HELLS: variants seen among roughly 807,000 people sequenced by gnomAD.
The protein encoded by HELLS is lymphoid-specific helicase.
A neutral mutation model predicts 120.0 loss-of-function variants in HELLS; 32 were observed. That is an observed-to-expected ratio of 0.27 (90% CI 0.20 to 0.36). The LOEUF is 0.36. Ranked by LOEUF, HELLS falls within the 10% of genes least tolerant of loss-of-function variation. The pLI is 1.00. For missense variants in HELLS, 650 were observed against 993.4 expected, an observed-to-expected ratio of 0.65 and a Z score of 4.65; for synonymous variants, 341 against 323.4, an observed-to-expected ratio of 1.05 and a Z score of -0.58.
exon 10 of HELLS, chr10:94,610,590 ATT>A (rs3054952): frequency 0.37 from 55,137 of 149,116 alleles, 10,608 homozygotes; most frequent in East Asian, 0.68. Context: ...CAGATAATAG[ATT>A]TTTTTTTTTT....
In HELLS at chr10:94,601,811, A is replaced by C. The variant is rs911566415; in HGVS notation, c.*189A>C. On this transcript the variant is annotated 3_prime_UTR_variant, in exon 22 of 22. Transcript: ENST00000348459. ...CAAGAACAAAGAAGTATCCATATTA[A>C]GTTTAGATTTTCAGTTAATTTTTGA... 9.9e-6 allele frequency: 4 copies of C among 402,172 alleles called. No homozygotes were observed. Among genetic ancestry groups the C allele is most frequent in the African/African-American group, 6.3e-5 (3 of 47,618 alleles). 24.9% of individuals were successfully genotyped at this position (402,172 alleles called of 1,614,324 possible). A position where few individuals can be genotyped will look rare whatever the true frequency, so the allele number is the denominator to read the frequency against.
chr10:94,603,112 A>G (rs936770234), downstream of HELLS, among the ~76,000 whole-genome samples: 1 of 152,172 alleles, frequency 6.6e-6, no homozygotes, highest in African/African-American at 2.4e-5. Context: ...CCTTTATTAT[A>G]TACTGCGGAT....
intron 21 of HELLS, among the ~76,000 whole-genome samples, chr10:94,599,257 T>C (rs1845909316): frequency 6.6e-6 from 1 of 152,244 alleles, no homozygotes; most frequent in Admixed American, 6.5e-5. Context: ...CTGTTTAACA[T>C]CTGATAATAT....
chr10:94,581,436 G>T lies in HELLS; in HGVS notation c.1143G>T (p.Leu381Phe). The change falls in exon 11 of 22, where the codon TTG becomes TTT. Residue 381 changes from leucine to phenylalanine, a missense_variant. By Grantham distance (22) the Leu-to-Phe change is conservative (BLOSUM62 0). Around this residue, in one of 9 missense-constraint regions of HELLS, gnomAD observed 48 missense variants for 127.0 expected, o/e 0.38. Coordinates refer to ENST00000348459, the MANE Select transcript of HELLS (RefSeq NM_018063.5). ...KRFNADNKLL[L>F]TGTPLQNNLS... Reference sequence around the variant, plus strand: ...TCAATGCTGATAACAAACTTCTTTTGACTGGTACTCCCTTGCAAAACAATT... The same window carrying T: ...TCAATGCTGATAACAAACTTCTTTTTACTGGTACTCCCTTGCAAAACAATT... 6.2e-7 allele frequency: 1 copy of T among 1,613,184 alleles called. No homozygotes were observed. The highest frequency in any genetic ancestry group is 1.1e-5 in the South Asian group (1 of 91,006).
intron 6 of HELLS, among the ~76,000 whole-genome samples, chr10:94,568,183 C>G (rs1843933549): frequency 6.7e-6 from 1 of 150,336 alleles, no homozygotes; most frequent in Non-Finnish European, 1.5e-5. Context: ...GCTGGGATTA[C>G]AGGCGTGAGC....
At chr10:94,551,499 G>GGAGGCA (rs1359840362) in intron 2 of HELLS, among the ~76,000 whole-genome samples, 11 of 151,948 alleles carry the variant, frequency 7.2e-5, no homozygotes, top group Non-Finnish European at 1.3e-4. Context: ...CCCGGGAGGC[G>GGAGGCA]GAGGCAGAGG....
At chr10:94,612,378 T>A (rs1171994706) in exon 10 of HELLS, 1 of 152,210 alleles carries the variant, frequency 6.6e-6, no homozygotes, top group Non-Finnish European at 1.5e-5. Flanking sequence ...AGATGTGGTA[T>A]TGAACCTTCA....
exon 10 of HELLS, chr10:94,611,752 G>T (rs1043781124): frequency 1.3e-5 from 2 of 152,178 alleles, no homozygotes; most frequent in Non-Finnish European, 2.9e-5. Flanking sequence ...CTAGTTCAGA[G>T]TGATTGGCTC....
chr10:94,600,033 A>G (rs182881539), intron 21 of HELLS, among the ~76,000 whole-genome samples: 19 of 152,208 alleles, frequency 1.2e-4, no homozygotes, highest in African/African-American at 3.6e-4. Flanking sequence ...GCTCATGCCT[A>G]TAATCCTATC....
intron 9 of HELLS, among the ~76,000 whole-genome samples, chr10:94,575,771 TTGTGTGTGTGTGTGTG>T (rs71031588): frequency 4.8e-4 from 59 of 122,826 alleles, no homozygotes; most frequent in East Asian, 1.8e-3. Flanking sequence ...GGGGTTGTGT[TTGTGTGTGTGTGTGTG>T]TGTGTGTGTG....
At chr10:94,606,637 A>G (rs144635777), downstream of HELLS, among the ~76,000 whole-genome samples, 1 of 152,184 alleles carries the variant, frequency 6.6e-6, no homozygotes, top group African/African-American at 2.4e-5. Context: ...TGTATGAGCC[A>G]CCACCACTAG....
intron 19 of HELLS, among the ~76,000 whole-genome samples, chr10:94,595,310 CA>C (rs937940791): frequency 6.6e-6 from 1 of 151,854 alleles, no homozygotes; most frequent in African/African-American, 2.4e-5. Flanking sequence ...AGTTGGTCAC[CA>C]TAGACATAAA....
Position 94,545,903 on chromosome 10 carries a change from C to A in HELLS, c.-19C>A, listed in dbSNP as rs1199785850. The stretch of plus-strand genomic sequence containing the variant: ...GGCTCTGAGAGGAGGGGACCCGGTT[C>A]CCGGGTGAGTGTCCAGGCATGCCAG... On this transcript the variant is annotated 5_prime_UTR_variant, in exon 1 of 22. Transcript: ENST00000348459. The A allele has an allele frequency of 4.5e-6, 7 of 1,553,134 alleles. No individual in the cohort carries two copies. Among genetic ancestry groups the A allele is most frequent in the Admixed American group, 3.9e-5 (2 of 51,134 alleles).
At chr10:94,581,693 A>T (rs1448684140) in intron 11 of HELLS, among the ~76,000 whole-genome samples, 171 bp downstream of exon 11, 2 of 152,240 alleles carry the variant, frequency 1.3e-5, no homozygotes, top group Admixed American at 6.5e-5. Flanking sequence ...TTAAGAAAAG[A>T]TTATTTAAAA....
chr10:94,558,199 A>G lies in HELLS; in HGVS notation c.333+4A>G, dbSNP rs757275996. On this transcript the variant is annotated splice_donor_region_variant and intron_variant, in intron 4 of 21. Coordinates refer to ENST00000348459, the MANE Select transcript of HELLS (RefSeq NM_018063.5). ...GGAGTCTTTAAAAGTTAAAAAGGTA[A>G]TATAGCCAGCCGGAATATTTTTTAT... 6.4e-7 allele frequency: 1 copy of G among 1,558,006 alleles called. No individual in the cohort carries two copies. The highest frequency in any genetic ancestry group is 8.6e-7 in the Non-Finnish European group (1 of 1,160,172).
At chr10:94,564,563 T>C (rs1173298643) in intron 6 of HELLS, among the ~76,000 whole-genome samples, 1 of 152,218 alleles carries the variant, frequency 6.6e-6, no homozygotes, top group Non-Finnish European at 1.5e-5. Flanking sequence ...AATTAGAGCA[T>C]CTTCAGTTCT....
chr10:94,575,098 ATTTTTTTTTTT>A (rs570447113), intron 9 of HELLS, among the ~76,000 whole-genome samples: 1 of 121,814 alleles, frequency 8.2e-6, no homozygotes, highest in Non-Finnish European at 1.7e-5. Flanking sequence ...ACCTTCTGCA[ATTTTTTTTTTT>A]TTTTTTTTTT....
chr10:94,552,779 C>T (rs1367657641), intron 2 of HELLS, among the ~76,000 whole-genome samples: 3 of 151,014 alleles, frequency 2.0e-5, no homozygotes, highest in African/African-American at 7.3e-5. Flanking sequence ...GGAGACCTGC[C>T]TTAGCAATAT....
chr10:94,548,880 A>G (rs565429209), intron 2 of HELLS, among the ~76,000 whole-genome samples: 2 of 152,188 alleles, frequency 1.3e-5, no homozygotes, highest in Admixed American at 6.5e-5. Flanking sequence ...TGCAGTCCCA[A>G]CTACTCAGGA....
Sources: gnomAD v4.1 joint callset for allele counts (sites outside exome capture counted in the v4.1 genomes callset) on GRCh38, gnomAD v4.1.1 for gene constraint, gnomAD v4.1.1 regional missense constraint, MANE v1.5 for transcripts, NCBI Gene and HGNC (gene_info 2026-07-23, HGNC 2026-07-21) for gene names.